The following DNAH12 variants were observed in gnomAD, a reference collection of about 807,000 sequenced individuals.
DNAH12 encodes axonemal beta dynein heavy chain 12.
In DNAH12, 285 loss-of-function variants were observed where a neutral mutation model predicts 371.5. The ratio of observed to expected loss-of-function variants is 0.77; its 90% confidence interval spans 0.70 to 0.85. DNAH12 has a LOEUF of 0.85. DNAH12 is among the 40% of genes least tolerant of loss of function. DNAH12 has a pLI of 0.00. For synonymous variants in DNAH12, 1,200 were observed against 1,213.0 expected (o/e 0.99, Z 0.22); for missense variants, 3,611 against 3,689.4 (o/e 0.98, Z 0.55).
intron 45 of DNAH12, among the ~76,000 whole-genome samples, chr3:57,390,980 C>T (rs1047382639): frequency 1.3e-5 from 2 of 152,164 alleles, no homozygotes; most frequent in South Asian, 4.1e-4. Flanking sequence ...TGCTGCTGCC[C>T]TTAAAATGCC....
chr3:57,534,532 CAG>C (rs1451024603), intron 2 of DNAH12, among the ~76,000 whole-genome samples: 2 of 107,568 alleles, frequency 1.9e-5, no homozygotes, highest in African/African-American at 7.9e-5. Flanking sequence ...TTTTTTGAGA[CAG>C]AGTCTGGCCC....
intron 17 of DNAH12, among the ~76,000 whole-genome samples, chr3:57,465,980 C>T (rs892689537): frequency 2.6e-5 from 4 of 151,920 alleles, no homozygotes; most frequent in Admixed American, 2.6e-4. Context: ...GGTATAACTT[C>T]TATGGAGGGT....
chr3:57,518,389 G>T (rs966735937), intron 4 of DNAH12, among the ~76,000 whole-genome samples: 5 of 152,072 alleles, frequency 3.3e-5, no homozygotes, highest in Non-Finnish European at 5.9e-5. Context: ...AGCCAGGCAT[G>T]GTGGCATGTG....
rs912561028 is a variant in DNAH12, at chr3:57,421,802, A to G, written c.5374-96T>C. ...AATTCAATATATTAGGATATGCTCAACTTACTTGAACAAGGTCGTAAGTGT... is the reference window on the plus strand; with the variant it reads ...AATTCAATATATTAGGATATGCTCAGCTTACTTGAACAAGGTCGTAAGTGT... On this transcript the variant is annotated intron_variant, in intron 35 of 73. Transcript: ENST00000495027. The G allele has an allele frequency of 3.7e-6, 5 of 1,342,512 alleles. No homozygotes were observed. The Admixed American group carries it at 8.1e-5, about 22-fold the overall frequency. The allele number at this position is 1,342,512 out of a possible 1,614,324, so 83.2% of individuals were successfully genotyped here.
intron 59 of DNAH12, among the ~76,000 whole-genome samples, chr3:57,352,526 T>C (rs1231730145): frequency 2.0e-5 from 3 of 152,136 alleles, no homozygotes; most frequent in African/African-American, 7.2e-5. Context: ...GTAAGTATTT[T>C]AAAATAAAAA....
Position 57,489,555 on chromosome 3 carries a change from T to C in DNAH12, c.1468A>G (p.Ile490Val). 6 of 1,529,850 alleles carry C rather than the reference T, an allele frequency of 3.9e-6. No individual in the cohort carries two copies. The highest frequency in any genetic ancestry group is 5.3e-6 in the Non-Finnish European group (6 of 1,141,236). The allele number at this position is 1,529,850 out of a possible 1,614,324, so 94.8% of individuals were successfully genotyped here. ...LTNKAKAFAN[I>V]LLNDIASKYR... ...TTTGAAGCTATGTCATTTAATAATA[T>C]GTTTGCAAAGGCTTTTGCTTTATTT... Residue 490 changes from isoleucine to valine, a missense_variant, in exon 12 of 74, where the codon ATA becomes GTA. By Grantham distance (29) the Ile-to-Val change is conservative (BLOSUM62 3). Around this residue, in one of 3 missense-constraint regions of DNAH12, gnomAD observed 1,314 missense variants for 1,398.7 expected, o/e 0.94. Coordinates refer to ENST00000495027, the MANE Select transcript of DNAH12 (RefSeq NM_001366028.2).
At chr3:57,508,266 C>G in intron 7 of DNAH12, 116 bp downstream of exon 7, 1 of 952,318 alleles carries the variant, frequency 1.1e-6, no homozygotes, top group South Asian at 2.6e-5. Context: ...TTTTTTTAAA[C>G]TCTAAAATCT....
At chr3:57,417,776 T>A (rs148044983) in intron 37 of DNAH12, among the ~76,000 whole-genome samples, 1,673 of 152,260 alleles carry the variant, frequency 0.011, 16 homozygotes, top group Non-Finnish European at 0.018. Context: ...TGTTATTTAA[T>A]GTGTTAATAA....
At chr3:57,426,302 G>A (rs906581021) in intron 34 of DNAH12, among the ~76,000 whole-genome samples, 5 of 152,116 alleles carry the variant, frequency 3.3e-5, no homozygotes, top group African/African-American at 1.2e-4. Context: ...GAGGAAGAGA[G>A]TTCCAAGGGA....
intron 65 of DNAH12, among the ~76,000 whole-genome samples, chr3:57,321,426 G>T (rs1245692439): frequency 6.6e-6 from 1 of 152,142 alleles, no homozygotes; most frequent in African/African-American, 2.4e-5. Flanking sequence ...TGGGGTGAGG[G>T]CAGGGGATGA....
At chr3:57,489,473 C>T (rs1042108843) in intron 12 of DNAH12, 36 bp downstream of exon 12, 3 of 1,449,900 alleles carry the variant, frequency 2.1e-6, no homozygotes, top group Non-Finnish European at 2.7e-6. Flanking sequence ...TTCTTTTAGC[C>T]ATATAATTCT....
chr3:57,479,011 A>G (rs1264742618), intron 13 of DNAH12, among the ~76,000 whole-genome samples: 3 of 152,226 alleles, frequency 2.0e-5, no homozygotes, highest in Admixed American at 6.5e-5. Flanking sequence ...AAGAAACTGC[A>G]TCAAGTAACG....
At chr3:57,501,758 G>A (rs1317646469) in intron 10 of DNAH12, among the ~76,000 whole-genome samples, 1 of 152,140 alleles carries the variant, frequency 6.6e-6, no homozygotes, top group Non-Finnish European at 1.5e-5. Flanking sequence ...ATAAAATTGA[G>A]CTACAGGCTC....
chr3:57,409,787 T>C (rs2064147083), intron 39 of DNAH12, among the ~76,000 whole-genome samples: 1 of 152,096 alleles, frequency 6.6e-6, no homozygotes, highest in African/African-American at 2.4e-5. Flanking sequence ...GAAAAGTACA[T>C]TTAAGAGGAG....
At chr3:57,518,305 A>G (rs892672309) in intron 4 of DNAH12, among the ~76,000 whole-genome samples, 6 of 152,168 alleles carry the variant, frequency 3.9e-5, no homozygotes, top group African/African-American at 1.4e-4. Context: ...CAGGTGGATC[A>G]CTGGAGGTCA....
chr3:57,397,122 C>A (rs2063758221), intron 43 of DNAH12, among the ~76,000 whole-genome samples: 1 of 152,168 alleles, frequency 6.6e-6, no homozygotes, highest in South Asian at 2.1e-4. Context: ...GGTGGTATTA[C>A]CCAAATTTTA....
In DNAH12 at chr3:57,445,474, G is replaced by C. The variant is rs190836158; in HGVS notation, c.4180-55C>G. ...CGTACATAAATGAAGCTGTTTTTAA[G>C]CTGAGCATAAGTATTCAAAGGTGTG... On this transcript the variant is annotated intron_variant, in intron 27 of 73. Coordinates refer to ENST00000495027, the MANE Select transcript of DNAH12 (RefSeq NM_001366028.2). The C allele has an allele frequency of 5.1e-3, 7,138 of 1,391,372 alleles. 27 individuals are homozygous for C. The highest frequency in any genetic ancestry group is 5.9e-3 in the Non-Finnish European group (6,249 of 1,066,076). 86.2% of individuals were successfully genotyped at this position (1,391,372 alleles called of 1,614,324 possible). A position where few individuals can be genotyped will look rare whatever the true frequency, so the allele number is the denominator to read the frequency against.
intron 32 of DNAH12, among the ~76,000 whole-genome samples, chr3:57,431,712 C>A (rs2064960852): frequency 6.6e-6 from 1 of 152,170 alleles, no homozygotes; most frequent in Non-Finnish European, 1.5e-5. Flanking sequence ...GAGTACCTCA[C>A]AAAGGCAGAC....
At chr3:57,394,509 C>A (rs903862589) in intron 43 of DNAH12, among the ~76,000 whole-genome samples, 177 bp from the exon 44 acceptor site, 2 of 152,120 alleles carry the variant, frequency 1.3e-5, no homozygotes, top group Non-Finnish European at 2.9e-5. Flanking sequence ...GGTGGGAGAT[C>A]CAAACTGGTC....
Sources: gnomAD v4.1 joint callset for allele counts (sites outside exome capture counted in the v4.1 genomes callset) on GRCh38, gnomAD v4.1.1 for gene constraint, gnomAD v4.1.1 regional missense constraint, MANE v1.5 for transcripts, NCBI Gene and HGNC (gene_info 2026-07-23, HGNC 2026-07-21) for gene names.